Variants in FKBP10 observed in about 807,000 individuals in gnomAD.
The protein encoded by FKBP10 is FKBP prolyl isomerase 10.
FKBP10 carries 34 observed loss-of-function variants against 53.7 expected under a neutral mutation model. The ratio of observed to expected loss-of-function variants is 0.63; its 90% CI spans 0.48 to 0.84. FKBP10 has a LOEUF of 0.84. Among genes scored for constraint, FKBP10 ranks in the 40% least tolerant of loss-of-function variants. The pLI is 0.00. For synonymous variants in FKBP10, 324 were observed against 335.7 expected (o/e 0.97, Z 0.38); for missense variants, 748 against 797.8 (o/e 0.94, Z 0.75).
chr17:41,818,766 G>A, intron 4 of FKBP10: 1 of 524,020 alleles, frequency 1.9e-6, no homozygotes, highest in Non-Finnish European at 3.4e-6. Flanking sequence ...AGGAGATCGA[G>A]ACCACGGTGA....
rs1181262252 is a variant in FKBP10 at position 41,817,052 on chromosome 17, C to A, written c.246-6C>A. The stretch of plus-strand genomic sequence containing the variant: ...CACTGTATCCCATCTGTCCCTCCCC[C>A]CCCAGCTATGATCGCAACACCTTGG... On this transcript the variant is annotated splice_region_variant and splice_polypyrimidine_tract_variant and intron_variant, in intron 1 of 9. Transcript: ENST00000321562. 6 of 1,614,044 alleles carry A rather than the reference C, an allele frequency of 3.7e-6. No individual in the cohort carries two copies. Among genetic ancestry groups the A allele is most frequent in the Admixed American group, 3.3e-5 (2 of 60,020 alleles).
At chr17:41,818,360 A>C in intron 3 of FKBP10, 22 bp from the exon 4 acceptor site, 1 of 1,613,996 alleles carries the variant, frequency 6.2e-7, no homozygotes, top group African/African-American at 1.3e-5. Flanking sequence ...TGCCTCTCCC[A>C]CCTCCACCTC....
rs2047907188 is a variant in FKBP10, at chr17:41,822,605, T to A, written c.*197T>A. ...ATCCACAGCACAGACCTCTACCGTG[T>A]TTCTCTTCCATCCCTAAACCACTTC... is the stretch of plus-strand genomic sequence containing the variant. On this transcript the variant is annotated 3_prime_UTR_variant, in exon 10 of 10. Coordinates refer to ENST00000321562, the MANE Select transcript of FKBP10 (RefSeq NM_021939.4). The A allele has an allele frequency of 3.1e-6, 2 of 651,620 alleles. No homozygotes were observed. Among genetic ancestry groups the A allele is most frequent in the South Asian group, 1.9e-5 (1 of 54,030 alleles). 40.4% of individuals were successfully genotyped at this position (651,620 alleles called of 1,614,324 possible).
chr17:41,822,450 T>G lies in FKBP10; in HGVS notation c.*42T>G, dbSNP rs1322071035. On this transcript the variant is annotated 3_prime_UTR_variant, in exon 10 of 10. Transcript: ENST00000321562. ...CCAGGCCTGAGACACAGAGGCCCAC[T>G]GCGAGGGGGACAGTGGCGGTGGGAC... 1 of 1,563,514 alleles carries G rather than the reference T, an allele frequency of 6.4e-7. No individual in the cohort carries two copies. Among genetic ancestry groups the G allele is most frequent in the Non-Finnish European group, 8.7e-7 (1 of 1,153,078 alleles).
intron 6 of FKBP10, 134 bp downstream of exon 6, chr17:41,819,809 T>C (rs1555616716): frequency 1.9e-5 from 29 of 1,539,660 alleles, no homozygotes; most frequent in Non-Finnish European, 2.5e-5. Flanking sequence ...GCAGCTTACA[T>C]CTGGTCACCC....
At chr17:41,817,933 A>G (rs1363582833) in intron 2 of FKBP10, among the ~76,000 whole-genome samples, 156 bp from the exon 3 acceptor site, 1 of 150,036 alleles carries the variant, frequency 6.7e-6, no homozygotes, top group African/African-American at 2.4e-5. Context: ...CTGGCCCCCT[A>G]TCTCTTAAAA....
chr17:41,821,498 AG>A (rs2144068398), intron 8 of FKBP10, among the ~76,000 whole-genome samples, 155 bp from the exon 9 acceptor site: 1 of 152,244 alleles, frequency 6.6e-6, no homozygotes, highest in East Asian at 1.9e-4. Flanking sequence ...GGGAGGAGTC[AG>A]GAATGCCTTC....
chr17:41,820,095 C>A (rs1597908581), intron 6 of FKBP10, 174 bp from the exon 7 acceptor site: 2 of 1,215,784 alleles, frequency 1.6e-6, no homozygotes, highest in Non-Finnish European at 2.3e-6. Context: ...CTTCCCCTGC[C>A]CCCTGCCCCA....
Position 41,822,851 on chromosome 17 carries a change from T to TC in FKBP10, c.*447dup. On this transcript the variant is annotated 3_prime_UTR_variant, in exon 10 of 10. Coordinates refer to ENST00000321562, the MANE Select transcript of FKBP10 (RefSeq NM_021939.4). ...GCTCCCTAGGACCCCTCTGCCTTCCTCCCCAATCCTGACTGGCTCCTAGGG... is the reference window on the plus strand; with the variant it reads ...GCTCCCTAGGACCCCTCTGCCTTCCTCCCCCAATCCTGACTGGCTCCTAGGG... The TC allele has an allele frequency of 3.5e-6, 1 of 283,042 alleles. No homozygotes were observed. The highest frequency in any genetic ancestry group is 6.9e-6 in the Non-Finnish European group (1 of 145,764). 17.5% of individuals were successfully genotyped at this position (283,042 alleles called of 1,614,324 possible).
At chr17:41,822,091 G>C in intron 9 of FKBP10, 132 bp from the exon 10 acceptor site, 1 of 972,100 alleles carries the variant, frequency 1.0e-6, no homozygotes, top group Non-Finnish European at 1.6e-6. Flanking sequence ...AGCCCTTCCT[G>C]AGTTACAGGG....
chr17:41,822,181 A>T (rs782248109), intron 9 of FKBP10, 42 bp from the exon 10 acceptor site: 3 of 1,588,554 alleles, frequency 1.9e-6, no homozygotes, highest in Non-Finnish European at 2.6e-6. Context: ...TCCCAAGGCC[A>T]TGACCCTCAC....
chr17:41,822,560 T>TC lies in FKBP10; in HGVS notation c.*155dup. Reference sequence around the variant, plus strand: ...ATGGCAGAGGAGACATCTCTGGTGTTCCCACCACCCTAGATGAAAATCCAC... The same window carrying TC: ...ATGGCAGAGGAGACATCTCTGGTGTTCCCCACCACCCTAGATGAAAATCCAC... On this transcript the variant is annotated 3_prime_UTR_variant, in exon 10 of 10. Transcript: ENST00000321562. The TC allele has an allele frequency of 1.2e-6, 1 of 813,322 alleles. No individual in the cohort carries two copies. The allele number at this position is 813,322 out of a possible 1,614,324, so 50.4% of individuals were successfully genotyped here. A position where few individuals can be genotyped will look rare whatever the true frequency, so the allele number is the denominator to read the frequency against.
Position 41,822,358 on chromosome 17 carries a change from C to T in FKBP10, c.1699C>T (p.Leu567Phe). ...NQDGKITVDE[L>F]KLKSDEDEER... Reference sequence around the variant, plus strand: ...GGACGGCAAGATCACAGTCGACGAGCTCAAGCTGAAGTCAGATGAGGACGA... The same window carrying T: ...GGACGGCAAGATCACAGTCGACGAGTTCAAGCTGAAGTCAGATGAGGACGA... Residue 567 changes from leucine to phenylalanine, a missense_variant, in exon 10 of 10, where the codon CTC becomes TTC. Transcript: ENST00000321562. 1.2e-6 allele frequency: 2 copies of T among 1,613,010 alleles called. No individual in the cohort carries two copies. Among genetic ancestry groups the T allele is most frequent in the Non-Finnish European group, 1.7e-6 (2 of 1,179,510 alleles).
intron 1 of FKBP10, among the ~76,000 whole-genome samples, chr17:41,815,461 C>T (rs1365539757): frequency 6.7e-6 from 1 of 149,500 alleles, no homozygotes; most frequent in Non-Finnish European, 1.5e-5. Flanking sequence ...GCCCACACAA[C>T]TTAGAAAACT....
In FKBP10 at chr17:41,819,767, C is replaced by T. The variant is rs782194629; in HGVS notation, c.1063+92C>T. 58 of 1,546,356 alleles carry T rather than the reference C, an allele frequency of 3.8e-5. No homozygotes were observed. The South Asian group carries it at 6.7e-4, about 18-fold the overall frequency. On this transcript the variant is annotated intron_variant, in intron 6 of 9. Transcript: ENST00000321562. ...CCTCCCACAGTGGGATTCCAGGCAC[C>T]GCTCGGCCCCTCTCATCACAAAAAC...
intron 9 of FKBP10, 108 bp downstream of exon 9, chr17:41,821,925 C>T: frequency 7.2e-7 from 1 of 1,385,224 alleles, no homozygotes; most frequent in Non-Finnish European, 1.0e-6. Context: ...CCCTGGTGCT[C>T]CTGCCTGCGC....
chr17:41,821,230 C>A, intron 8 of FKBP10, 141 bp downstream of exon 8: 3 of 1,138,098 alleles, frequency 2.6e-6, no homozygotes, highest in Non-Finnish European at 3.6e-6. Context: ...TCAAGTGATT[C>A]TCCTGCCTCA....
Position 41,813,214 on chromosome 17 carries a change from G to T in FKBP10, c.180G>T (p.Gln60His), listed in dbSNP as rs1555615700. The T allele has an allele frequency of 1.2e-6, 2 of 1,613,684 alleles. No homozygotes were observed. The highest frequency in any genetic ancestry group is 8.5e-7 in the Non-Finnish European group (1 of 1,180,006). ...CCAGGGCCTGTCCCCGGGAAGTGCAGATGGGGGATTTTGTGCGCTACCACT... is the reference window on the plus strand; with the variant it reads ...CCAGGGCCTGTCCCCGGGAAGTGCATATGGGGGATTTTGTGCGCTACCACT... Reference protein sequence around the residue: ...HIPRACPREVQMGDFVRYHYN... With the variant: ...HIPRACPREVHMGDFVRYHYN... The change falls in exon 1 of 10, where the codon CAG (glutamine) becomes CAT (histidine). Residue 60 changes from glutamine to histidine, a missense_variant. Physicochemically the swap from Gln to His is conservative, Grantham distance 24. Transcript: ENST00000321562.
chr17:41,820,065 CT>C (rs1419055708), intron 6 of FKBP10: 12 of 1,354,008 alleles, frequency 8.9e-6, no homozygotes, highest in Non-Finnish European at 1.2e-5. Flanking sequence ...TGGAAAAGGG[CT>C]TTCTTACTGG....
Sources: gnomAD v4.1 joint callset for allele counts (sites outside exome capture counted in the v4.1 genomes callset) on GRCh38, gnomAD v4.1.1 for gene constraint, MANE v1.5 for transcripts, NCBI Gene and HGNC (gene_info 2026-07-23, HGNC 2026-07-21) for gene names.